Variants in KIF26B observed in about 807,000 individuals in gnomAD.
The protein encoded by KIF26B is kinesin family member 26B.
In KIF26B, 63 loss-of-function variants were observed where a neutral mutation model predicts 151.2. That is an observed-to-expected ratio of 0.42 (90% confidence interval 0.34 to 0.51). The LOEUF is 0.51. KIF26B is among the 20% of genes least tolerant of loss of function. The pLI, the probability that KIF26B is intolerant of heterozygous loss-of-function variation, is 0.07. For synonymous variants in KIF26B, 1,357 were observed against 1,262.1 expected, an observed-to-expected ratio of 1.08 and a Z score of -1.59; for missense variants, 2,813 against 2,913.6, an observed-to-expected ratio of 0.97 and a Z score of 0.79.
chr1:245,250,710 G>A (rs1670427490), intron 2 of KIF26B, among the ~76,000 whole-genome samples: 1 of 152,050 alleles, frequency 6.6e-6, no homozygotes, highest in Admixed American at 6.6e-5. Context: ...ATTGACCATG[G>A]GAGTTTTCTC....
At chr1:245,555,698 GAAAAACCC>G (rs1662005733) in intron 5 of KIF26B, among the ~76,000 whole-genome samples, 1 of 152,112 alleles carries the variant, frequency 6.6e-6, no homozygotes, top group Admixed American at 6.5e-5. Flanking sequence ...GCATTTAGGA[GAAAAACCC>G]AAGACCAGGT....
At position 245,156,465 on chromosome 1, in the gene KIF26B, G is replaced by A. The variant is rs1668435035; in HGVS notation, c.247G>A (p.Gly83Ser). ...SGTSSPSSFT[G>S]SPGPASPGIG... ...CACCTCGTCCCCGAGCTCGTTCACC[G>A]GCTCCCCGGGACCCGCCTCCCCCGG... The change falls in exon 2 of 15, where the codon GGC becomes AGC. Residue 83 changes from glycine (G) to serine (S), a missense_variant. Physicochemically the swap from Gly to Ser is moderately conservative, Grantham distance 56. Coordinates refer to ENST00000407071, the MANE Select transcript of KIF26B (RefSeq NM_018012.4). 6.6e-7 allele frequency: 1 copy of A among 1,524,826 alleles called. No individual in the cohort carries two copies. 94.5% of individuals were successfully genotyped at this position (1,524,826 alleles called of 1,614,324 possible).
intron 5 of KIF26B, among the ~76,000 whole-genome samples, chr1:245,583,105 G>A (rs1771532): frequency 3.3e-5 from 5 of 152,064 alleles, no homozygotes; most frequent in African/African-American, 7.2e-5. Flanking sequence ...TCCAACCTTC[G>A]ATCTAATTTG....
rs767990584 is a variant in KIF26B, at chr1:245,702,597, G to A, written c.6318G>A (p.Arg2106=). The part of the protein sequence containing the change: ...MMITCFDITS[R]RR ...TCACCTGCTTCGACATCACCTCCAG[G>A]CGCCGGTAGATGAGCCAGACCCTTG... The change falls in exon 15 of 15, where the codon AGG becomes AGA. Residue 2106 remains arginine (R), a synonymous_variant. Coordinates refer to ENST00000407071, the MANE Select transcript of KIF26B (RefSeq NM_018012.4). The surrounding 1 kb of genome is among the most constrained non-coding windows in gnomAD (Gnocchi z 4.1). 6.2e-7 allele frequency: 1 copy of A among 1,613,708 alleles called. No individual in the cohort carries two copies. The highest frequency in any genetic ancestry group is 1.7e-5 in the Admixed American group (1 of 59,986).
intron 10 of KIF26B, among the ~76,000 whole-genome samples, chr1:245,674,904 T>C (rs1195461677): frequency 2.0e-5 from 3 of 152,038 alleles, no homozygotes; most frequent in African/African-American, 7.2e-5. Flanking sequence ...TGCAAGCAAT[T>C]AGGGTCCAAC....
At chr1:245,269,080 A>C (rs1308135558) in intron 2 of KIF26B, among the ~76,000 whole-genome samples, 1 of 152,158 alleles carries the variant, frequency 6.6e-6, no homozygotes, top group East Asian at 1.9e-4. Flanking sequence ...CTTTCAACTA[A>C]TTTTAAAGTG....
rs1005480643 is a variant in KIF26B, at chr1:245,376,794, T to C, written c.999+9427T>C. ...CCTCCGCCTCCTAGGTTGAAGTGAT[T>C]CTCCTGCCTCAGCCTCCTGAGTAGC... On this transcript the variant is annotated intron_variant, in intron 3 of 14. Coordinates refer to ENST00000407071, the MANE Select transcript of KIF26B (RefSeq NM_018012.4). Among the ~76,000 whole-genome samples, 4 of 152,166 alleles carry C rather than the reference T, an allele frequency of 2.6e-5. No individual in the cohort carries two copies. In the South Asian group the frequency reaches 6.2e-4, roughly 24 times the overall value.
At chr1:245,305,791 AGCCGGGTGTGGTGGCGGGC>A in intron 2 of KIF26B, among the ~76,000 whole-genome samples, 1 of 151,998 alleles carries the variant, frequency 6.6e-6, no homozygotes. Flanking sequence ...ACAAAAAATT[AGCCGGGTGTGGTGGCGGGC>A]GCCTGTAGTC....
chr1:245,365,691 G>GT (rs1433247108), intron 2 of KIF26B, among the ~76,000 whole-genome samples: 1 of 152,172 alleles, frequency 6.6e-6, no homozygotes, highest in Non-Finnish European at 1.5e-5. Flanking sequence ...CCCAAATGGC[G>GT]TAGTAGCCCT....
At chr1:245,401,598 G>T (rs1316038002) in intron 3 of KIF26B, among the ~76,000 whole-genome samples, 1 of 152,244 alleles carries the variant, frequency 6.6e-6, no homozygotes, top group Non-Finnish European at 1.5e-5. Context: ...GCTGGGCGCG[G>T]TGGCTCACGC....
At chr1:245,341,303 G>GTTTTTTTTTTTTTTTTTTTTTTTTTT (rs34249209) in intron 2 of KIF26B, among the ~76,000 whole-genome samples, 1 of 82,540 alleles carries the variant, frequency 1.2e-5, no homozygotes, top group Non-Finnish European at 3.0e-5. Context: ...AAAAGATGCA[G>GTTTTTTTTTTTTTTTTTTTTTTTTTT]TTTTTTTTTT....
At chr1:245,299,723 TCCACATCC>T (rs1671397726) in intron 2 of KIF26B, among the ~76,000 whole-genome samples, 1 of 152,076 alleles carries the variant, frequency 6.6e-6, no homozygotes, top group Non-Finnish European at 1.5e-5. Context: ...ATCTGCGGGG[TCCACATCC>T]AGAATGCTTT....
chr1:245,296,481 G>A (rs113166363), intron 2 of KIF26B, among the ~76,000 whole-genome samples: 190 of 152,146 alleles, frequency 1.2e-3, no homozygotes, highest in African/African-American at 4.2e-3. Flanking sequence ...AGGTGCCACC[G>A]GGCAGCTGCT....
At chr1:245,559,291 A>G (rs1662111236) in intron 5 of KIF26B, among the ~76,000 whole-genome samples, 1 of 152,182 alleles carries the variant, frequency 6.6e-6, no homozygotes, top group Non-Finnish European at 1.5e-5. Flanking sequence ...TGAGCCTGTG[A>G]TTGTACCACT....
intron 4 of KIF26B, among the ~76,000 whole-genome samples, chr1:245,435,508 A>G (rs769691703): frequency 1.3e-5 from 2 of 152,210 alleles, no homozygotes; most frequent in Non-Finnish European, 2.9e-5. Flanking sequence ...TGTAAGATCC[A>G]TGGAAAGAGG....
At chr1:245,676,862 G>A (rs2044362558) in intron 10 of KIF26B, among the ~76,000 whole-genome samples, 1 of 152,100 alleles carries the variant, frequency 6.6e-6, no homozygotes, top group Admixed American at 6.5e-5. Flanking sequence ...AGAATCGCAG[G>A]CCCCACGGGG....
At chr1:245,465,052 C>T (rs1315613645) in intron 4 of KIF26B, among the ~76,000 whole-genome samples, 1 of 145,464 alleles carries the variant, frequency 6.9e-6, no homozygotes, top group East Asian at 2.0e-4. Context: ...GATCTCGGCT[C>T]ACTGCAAGCT....
intron 2 of KIF26B, among the ~76,000 whole-genome samples, chr1:245,283,314 C>T (rs1465722718): frequency 6.6e-6 from 1 of 152,110 alleles, no homozygotes; most frequent in Non-Finnish European, 1.5e-5. Flanking sequence ...GCAAGCCCAA[C>T]CACCTCAAGC....
At chr1:245,301,684 G>A (rs550624011) in intron 2 of KIF26B, among the ~76,000 whole-genome samples, 1 of 152,282 alleles carries the variant, frequency 6.6e-6, no homozygotes, top group Admixed American at 6.5e-5. Flanking sequence ...TCAGAAGAGA[G>A]GAAATGTTAT....
Sources: gnomAD v4.1 joint callset for allele counts (sites outside exome capture counted in the v4.1 genomes callset) on GRCh38, gnomAD v4.1.1 for gene constraint, Gnocchi (gnomAD v3.1) non-coding constraint, MANE v1.5 for transcripts, NCBI Gene and HGNC (gene_info 2026-07-23, HGNC 2026-07-21) for gene names.